CUX1: variants seen among roughly 807,000 people sequenced by gnomAD.
CUX1 encodes cut like homeobox 1.
In CUX1, 31 loss-of-function variants were observed where a neutral mutation model predicts 158.8. That is an observed-to-expected ratio of 0.20 (90% CI 0.15 to 0.26). The LOEUF is 0.26. Among genes scored for constraint, CUX1 ranks in the 10% least tolerant of loss-of-function variants. The pLI is 1.00. For synonymous variants in CUX1, 879 were observed against 862.1 expected (o/e 1.02, Z -0.34); for missense variants, 1,589 against 2,014.6 (o/e 0.79, Z 4.04).
At chr7:101,883,479 G>A (rs1012591694) in intron 1 of CUX1, among the ~76,000 whole-genome samples, 3 of 152,118 alleles carry the variant, frequency 2.0e-5, no homozygotes, top group Admixed American at 6.5e-5. Flanking sequence ...ACAGATCCCC[G>A]TAGCATGCCA....
downstream of CUX1, among the ~76,000 whole-genome samples, chr7:102,262,834 C>T (rs938970233): frequency 2.0e-5 from 3 of 152,114 alleles, no homozygotes; most frequent in African/African-American, 7.2e-5. Flanking sequence ...TAATACATAC[C>T]GAAGGCTGAC....
chr7:102,134,920 T>C (rs1833729995), intron 8 of CUX1, among the ~76,000 whole-genome samples: 1 of 152,174 alleles, frequency 6.6e-6, no homozygotes, highest in South Asian at 2.1e-4. Flanking sequence ...TCTTTGTGTG[T>C]TTCCTTATAT....
At chr7:102,131,838 A>G (rs1833277538) in intron 8 of CUX1, among the ~76,000 whole-genome samples, 1 of 151,630 alleles carries the variant, frequency 6.6e-6, no homozygotes, top group Non-Finnish European at 1.5e-5. Context: ...ATGCCTAGCC[A>G]ATTTTTGTAT....
chr7:102,062,241 C>T (rs420709), intron 3 of CUX1, among the ~76,000 whole-genome samples: 115,328 of 152,106 alleles, frequency 0.76, 44,059 homozygotes, highest in East Asian at 0.99. Context: ...CACCACAAGT[C>T]ACGTGGCAGT....
At chr7:102,111,637 A>C (rs1451905239) in intron 6 of CUX1, 61 bp from the exon 7 acceptor site, 5 of 1,484,046 alleles carry the variant, frequency 3.4e-6, no homozygotes, top group Non-Finnish European at 4.7e-6. Context: ...GCCGAAAGGC[A>C]CACGTGCATT....
In CUX1 at chr7:102,197,016, C is replaced by T. The variant is rs1554518565; in HGVS notation, c.1605C>T (p.Ser535=). The change falls in exon 15 of 24, where the codon TCC becomes TCT. Residue 535 remains serine, a synonymous_variant. Coordinates refer to ENST00000292535, the MANE Select transcript of CUX1 (RefSeq NM_181552.4). The part of the protein sequence containing the change: ...QSPDVNGMAP[S]PSQSESAGSV... ...CAGATGTCAATGGCATGGCCCCATC[C>T]CCCAGCCAGTCAGAAAGTGCTGGGA... 8 of 1,614,226 alleles carry T rather than the reference C, an allele frequency of 5.0e-6. No individual in the cohort carries two copies. Among genetic ancestry groups the T allele is most frequent in the Non-Finnish European group, 6.8e-6 (8 of 1,180,042 alleles).
intron 20 of CUX1, among the ~76,000 whole-genome samples, chr7:102,209,213 A>G (rs1388655411): frequency 6.6e-6 from 1 of 152,066 alleles, no homozygotes; most frequent in Non-Finnish European, 1.5e-5. Context: ...GTTTTCCTTA[A>G]TGACTTAGAC....
At chr7:102,199,308 A>G (rs1795140559) in intron 16 of CUX1, among the ~76,000 whole-genome samples, 1 of 152,214 alleles carries the variant, frequency 6.6e-6, no homozygotes, top group African/African-American at 2.4e-5. Flanking sequence ...TCCCGGTGGC[A>G]TACTTGTTTT....
In CUX1 at chr7:102,253,768, G is replaced by C. The variant is rs1366057711; in HGVS notation, c.*4726G>C. The C allele has an allele frequency of 2.0e-6, 2 of 985,382 alleles. No homozygotes were observed. The highest frequency in any genetic ancestry group is 1.1e-4 in the East Asian group (1 of 8,820). The allele number at this position is 985,382 out of a possible 1,614,324, so 61.0% of individuals were successfully genotyped here. A position where few individuals can be genotyped will look rare whatever the true frequency, so the allele number is the denominator to read the frequency against. ...TACTCATCCCAAGGCCGACAAGCCAGCTGTACAGGGCGAGATGTAGCAACA... is the reference window on the plus strand; with the variant it reads ...TACTCATCCCAAGGCCGACAAGCCACCTGTACAGGGCGAGATGTAGCAACA... On this transcript the variant is annotated 3_prime_UTR_variant, in exon 24 of 24. Coordinates refer to ENST00000292535, the MANE Select transcript of CUX1 (RefSeq NM_181552.4).
At chr7:102,136,557 A>C (rs1183165790) in intron 8 of CUX1, among the ~76,000 whole-genome samples, 2 of 152,008 alleles carry the variant, frequency 1.3e-5, no homozygotes, top group Non-Finnish European at 2.9e-5. Context: ...CACCCAGCTA[A>C]TTTTTGTATT....
intron 4 of CUX1, among the ~76,000 whole-genome samples, chr7:102,072,439 T>A (rs1826232423): frequency 6.6e-6 from 1 of 152,210 alleles, no homozygotes; most frequent in Admixed American, 6.5e-5. Flanking sequence ...GTTACAAAGT[T>A]GTACTTCTAT....
intron 1 of CUX1, among the ~76,000 whole-genome samples, chr7:101,906,779 A>C (rs1584942792): frequency 6.6e-6 from 1 of 152,036 alleles, no homozygotes; most frequent in East Asian, 1.9e-4. Flanking sequence ...TTGCGAGCCT[A>C]GGCCTGTATG....
At chr7:102,009,624 G>T (rs760766702) in intron 2 of CUX1, among the ~76,000 whole-genome samples, 2 of 152,192 alleles carry the variant, frequency 1.3e-5, no homozygotes, top group Non-Finnish European at 2.9e-5. Context: ...AAATAATTCA[G>T]GTGAGTTCAG....
At chr7:101,864,225 A>G (rs529361767) in intron 1 of CUX1, among the ~76,000 whole-genome samples, 65 of 152,032 alleles carry the variant, frequency 4.3e-4, no homozygotes, top group Admixed American at 1.8e-3. Flanking sequence ...CAGTGGCACA[A>G]TCATGGCTCA....
intron 8 of CUX1, among the ~76,000 whole-genome samples, chr7:102,132,317 GCGCGCGCACGCCACGCACA>G (rs1833365082): frequency 9.7e-5 from 5 of 51,364 alleles, no homozygotes. Context: ...GTGCGCGCGC[GCGCGCGCACGCCACGCACA>G]CACGCATCTT....
At chr7:102,202,330 C>T in intron 18 of CUX1, 126 bp downstream of exon 18, 1 of 1,310,410 alleles carries the variant, frequency 7.6e-7, no homozygotes, top group Non-Finnish European at 1.0e-6. Context: ...GTAAGGCATC[C>T]TCTGCTCCCA....
At chr7:102,051,304 A>G (rs2130085680) in intron 3 of CUX1, among the ~76,000 whole-genome samples, 1 of 152,186 alleles carries the variant, frequency 6.6e-6, no homozygotes, top group East Asian at 1.9e-4. Context: ...AAGTTTGCAA[A>G]ACACAGGATG....
intron 3 of CUX1, among the ~76,000 whole-genome samples, chr7:102,047,090 T>C (rs1343353337): frequency 6.6e-6 from 1 of 152,184 alleles, no homozygotes; most frequent in Non-Finnish European, 1.5e-5. Context: ...TAAATATTTG[T>C]GGAGCATGTA....
chr7:102,062,013 G>T (rs750046606), intron 3 of CUX1, among the ~76,000 whole-genome samples: 1 of 152,184 alleles, frequency 6.6e-6, no homozygotes, highest in Non-Finnish European at 1.5e-5. Flanking sequence ...GGCTGGCTGT[G>T]ACTGTGCCCC....
Sources: gnomAD v4.1 joint callset for allele counts (sites outside exome capture counted in the v4.1 genomes callset) on GRCh38, gnomAD v4.1.1 for gene constraint, MANE v1.5 for transcripts, NCBI Gene and HGNC (gene_info 2026-07-23, HGNC 2026-07-21) for gene names.